The following GCN1 variants were observed in gnomAD, a reference collection of about 807,000 sequenced individuals.
GCN1 encodes the protein GCN1 activator of EIF2AK4.
GCN1 carries 90 observed loss-of-function variants against 288.4 expected under a neutral mutation model. The ratio of observed to expected loss-of-function variants is 0.31; its 90% CI spans 0.26 to 0.37. The LOEUF (loss-of-function observed/expected upper bound fraction) is 0.37, where lower values mean the gene tolerates loss of function less well. Ranked by LOEUF, GCN1 falls within the 10% of genes least tolerant of loss-of-function variation. The probability of loss-of-function intolerance (pLI) is 1.00; values close to 1 mark genes in which losing one functional copy is unlikely to be tolerated. For synonymous variants in GCN1, 1,386 were observed against 1,420.2 expected (o/e 0.98, Z 0.54); for missense variants, 2,586 against 3,419.9 (o/e 0.76, Z 6.08).
Position 120,142,866 on chromosome 12 carries a change from A to C in GCN1, c.5571T>G (p.Thr1857=). ...TTCCAAAGTTATCATCCTCAGAGGC[A>C]GTTTCTGTGGTCATCTTCCCAGTGA... ...SGVTGKMTTE[T]ASEDDNFGTA... The change falls in exon 43 of 58, where the codon ACT becomes ACG. Residue 1857 remains threonine, a synonymous_variant. Coordinates refer to ENST00000300648, the MANE Select transcript of GCN1 (RefSeq NM_006836.2). The surrounding 1 kb of genome is among the most constrained non-coding windows in gnomAD (Gnocchi z 4.9). The C allele has an allele frequency of 6.2e-7, 1 of 1,613,792 alleles. No individual in the cohort carries two copies. Among genetic ancestry groups the C allele is most frequent in the Non-Finnish European group, 8.5e-7 (1 of 1,179,638 alleles).
chr12:120,157,473 C>T (rs1180553922), intron 26 of GCN1, among the ~76,000 whole-genome samples: 1 of 152,144 alleles, frequency 6.6e-6, no homozygotes, highest in African/African-American at 2.4e-5. Flanking sequence ...GGGGCATATA[C>T]ATACAAGAGG....
chr12:120,134,313 A>G lies in GCN1; in HGVS notation c.7295T>C (p.Leu2432Pro). The change falls in exon 53 of 58, where the codon CTG becomes CCG. Residue 2432 changes from leucine (L) to proline (P), a missense_variant. This residue lies in a region of GCN1 where 355 missense variants were observed against 431.1 expected (regional missense o/e 0.82). Transcript: ENST00000300648. The surrounding 1 kb of genome is among the most constrained non-coding windows in gnomAD (Gnocchi z 5.0). ...VIRKNIVSLL[L>P]SMLGHDEDNT... ...TACCTCATCGTGTCCCAGCATGCTCAGCAGGAGTGAGACGATGTTTTTCCG... is the reference window on the plus strand; with the variant it reads ...TACCTCATCGTGTCCCAGCATGCTCGGCAGGAGTGAGACGATGTTTTTCCG... The G allele has an allele frequency of 6.2e-7, 1 of 1,613,630 alleles. No individual in the cohort carries two copies. Among genetic ancestry groups the G allele is most frequent in the South Asian group, 1.1e-5 (1 of 91,068 alleles).
chr12:120,129,037 A>G (rs1306223884), intron 57 of GCN1, among the ~76,000 whole-genome samples: 1 of 151,750 alleles, frequency 6.6e-6, no homozygotes, highest in Non-Finnish European at 1.5e-5. Context: ...ACGGGGTTTC[A>G]CCGTGTTAGC....
chr12:120,138,098 G>A (rs1434391419), intron 47 of GCN1, 54 bp from the exon 48 acceptor site: 3 of 1,526,814 alleles, frequency 2.0e-6, no homozygotes, highest in South Asian at 1.2e-5. Flanking sequence ...TGCTGCGCTA[G>A]GCTCTGGGAA....
intron 33 of GCN1, among the ~76,000 whole-genome samples, chr12:120,151,950 G>A (rs1471442466): frequency 6.6e-6 from 1 of 152,196 alleles, no homozygotes; most frequent in Non-Finnish European, 1.5e-5. Flanking sequence ...TTGCTGCTTA[G>A]GCTTTCTGAC....
intron 5 of GCN1, 37 bp from the exon 6 acceptor site, chr12:120,178,987 C>T (rs765356150): frequency 6.4e-7 from 1 of 1,554,338 alleles, no homozygotes; most frequent in Non-Finnish European, 8.8e-7. Context: ...CAAGGTGGGA[C>T]ATGAGACTGA....
At chr12:120,170,913 C>T (rs1217616207) in intron 14 of GCN1, among the ~76,000 whole-genome samples, 2 of 151,962 alleles carry the variant, frequency 1.3e-5, no homozygotes, top group Non-Finnish European at 2.9e-5. Context: ...GTAATCCCAG[C>T]ACTTTGGCAG....
In GCN1 at chr12:120,178,896, C is replaced by A; in HGVS notation, c.481G>T (p.Ala161Ser). The A allele has an allele frequency of 1.2e-6, 2 of 1,614,074 alleles. No homozygotes were observed. The highest frequency in any genetic ancestry group is 1.7e-6 in the Non-Finnish European group (2 of 1,180,008). Reference sequence around the variant, plus strand: ...AGTTTCTTCACAGCACCATCCACGGCGTGCTTGTGGGAGCCACCCAGCACC... The same window carrying A: ...AGTTTCTTCACAGCACCATCCACGGAGTGCTTGTGGGAGCCACCCAGCACC... The part of the protein sequence containing the change: ...LEVLGGSHKH[A>S]VDGAVKKLTK... The change falls in exon 6 of 58, where the codon GCC (alanine) becomes TCC (serine). Residue 161 changes from alanine (A) to serine (S), a missense_variant. Around this residue, in one of 8 missense-constraint regions of GCN1, gnomAD observed 913 missense variants for 1,107.0 expected, o/e 0.82. Coordinates refer to ENST00000300648, the MANE Select transcript of GCN1 (RefSeq NM_006836.2).
rs760628938 is a variant in GCN1 at position 120,137,782 on chromosome 12, G to C, written c.6426C>G (p.Ser2142=). Residue 2142 remains serine, a synonymous_variant, in exon 49 of 58, where the codon TCC becomes TCG. Transcript: ENST00000300648. The surrounding 1 kb of genome is among the most constrained non-coding windows in gnomAD (Gnocchi z 5.2). Reference sequence around the variant, plus strand: ...TCCGGTGCCCTGTGTCATCCTCTACGGAGAGGATCACAGCCTGACAATTGG... The same window carrying C: ...TCCGGTGCCCTGTGTCATCCTCTACCGAGAGGATCACAGCCTGACAATTGG... The part of the protein sequence containing the change: ...EMANCQAVIL[S]VEDDTGHRII... 1 of 1,614,022 alleles carries C rather than the reference G, an allele frequency of 6.2e-7. No individual in the cohort carries two copies. Among genetic ancestry groups the C allele is most frequent in the African/African-American group, 1.3e-5 (1 of 75,030 alleles).
chr12:120,164,197 G>A, intron 18 of GCN1, 139 bp downstream of exon 18: 4 of 682,938 alleles, frequency 5.9e-6, no homozygotes. Context: ...ACTGGAGCTT[G>A]ACGGCAGAGC....
intron 57 of GCN1, among the ~76,000 whole-genome samples, chr12:120,128,830 C>T (rs1876707042): frequency 6.7e-6 from 1 of 149,870 alleles, no homozygotes; most frequent in Admixed American, 6.6e-5. Context: ...GGGCCAGTCA[C>T]CCAAATCTTT....
At chr12:120,145,182 G>A in intron 39 of GCN1, 80 bp downstream of exon 39, 1 of 1,553,288 alleles carries the variant, frequency 6.4e-7, no homozygotes, top group South Asian at 1.1e-5. Flanking sequence ...CACAAAAGCA[G>A]CTTTGGGGAA....
chr12:120,142,577 C>T lies in GCN1; in HGVS notation c.5759G>A (p.Arg1920His), dbSNP rs778253265. 9 of 1,613,928 alleles carry T rather than the reference C, an allele frequency of 5.6e-6. No homozygotes were observed. The Middle Eastern group carries it at 6.6e-4, about 118-fold the overall frequency. Residue 1920 changes from arginine to histidine, a missense_variant, in exon 44 of 58, where the codon CGT (arginine) becomes CAT (histidine). By Grantham distance (29) the Arg-to-His change is conservative. Transcript: ENST00000300648. The surrounding 1 kb of genome is among the most constrained non-coding windows in gnomAD (Gnocchi z 4.9). ...IVVSNTPRTLREILPTLFGLL... is the reference protein window; with the variant it reads ...IVVSNTPRTLHEILPTLFGLL... The stretch of plus-strand genomic sequence containing the variant: ...CCCAAAGAGAGTGGGTAGGATCTCA[C>T]GCAAGGTGCGGGGGGTATTGGAGAC...
intron 34 of GCN1, 101 bp downstream of exon 34, chr12:120,151,044 A>G: frequency 7.6e-7 from 1 of 1,324,206 alleles, no homozygotes; most frequent in South Asian, 1.3e-5. Flanking sequence ...TACACGCACA[A>G]GCAACGGCCT....
chr12:120,145,417 C>G (rs1877333573), intron 38 of GCN1, 87 bp from the exon 39 acceptor site: 2 of 1,034,856 alleles, frequency 1.9e-6, no homozygotes, highest in Non-Finnish European at 2.7e-6. Context: ...CCTCCCCATT[C>G]TGCTGGCAAG....
At position 120,161,919 on chromosome 12, in the gene GCN1, G is replaced by T; in HGVS notation, c.2303C>A (p.Thr768Asn). The T allele has an allele frequency of 6.2e-7, 1 of 1,614,150 alleles. No homozygotes were observed. Among genetic ancestry groups the T allele is most frequent in the Non-Finnish European group, 8.5e-7 (1 of 1,180,038 alleles). ...VTREEFAIMQ[T>N]PAGELYDKSI... ...TTTGTCATACAGCTCCCCAGCAGGG[G>T]TCTGCATAATGGCAAACTCCTCCCG... is the stretch of plus-strand genomic sequence containing the variant. Residue 768 changes from threonine to asparagine, a missense_variant, in exon 21 of 58, where the codon ACC (threonine) becomes AAC (asparagine). Physicochemically the swap from Thr to Asn is moderately conservative, Grantham distance 65. Around this residue, in one of 8 missense-constraint regions of GCN1, gnomAD observed 913 missense variants for 1,107.0 expected, o/e 0.82. Coordinates refer to ENST00000300648, the MANE Select transcript of GCN1 (RefSeq NM_006836.2).
intron 38 of GCN1, 120 bp from the exon 39 acceptor site, chr12:120,145,450 G>C (rs1877334458): frequency 1.4e-6 from 1 of 689,748 alleles, no homozygotes; most frequent in Admixed American, 3.1e-5. Flanking sequence ...GGGGCACCTA[G>C]CATGCAAACC....
chr12:120,164,306 G>T lies in GCN1; in HGVS notation c.1848+30C>A, dbSNP rs192712498. 267 of 1,589,002 alleles carry T rather than the reference G, an allele frequency of 1.7e-4. 1 individual carries two copies. The African/African-American group carries it at 3.3e-3, about 19-fold the overall frequency. ...CAGGGGCAGCTAAGTGGATCCAAGAGCCCCAGTTCTAGAGCCCAGATGCCC... is the reference window on the plus strand; with the variant it reads ...CAGGGGCAGCTAAGTGGATCCAAGATCCCCAGTTCTAGAGCCCAGATGCCC... On this transcript the variant is annotated intron_variant, in intron 18 of 57. Transcript: ENST00000300648.
At position 120,141,085 on chromosome 12, in the gene GCN1, G is replaced by A. The variant is rs1175375907; in HGVS notation, c.5830-62C>T. 22 of 1,457,062 alleles carry A rather than the reference G, an allele frequency of 1.5e-5. No individual in the cohort carries two copies. In the East Asian group the frequency reaches 5.0e-4, roughly 33 times the overall value. The allele number at this position is 1,457,062 out of a possible 1,614,324, so 90.3% of individuals were successfully genotyped here. ...GCAAAGCCCAGGGCACCCAGAGGAG[G>A]ACTCCAGAATGAGGGCCCTGAAACC... On this transcript the variant is annotated intron_variant, in intron 44 of 57. Coordinates refer to ENST00000300648, the MANE Select transcript of GCN1 (RefSeq NM_006836.2).
Sources: allele counts gnomAD v4.1 joint callset (sites outside exome capture counted in the v4.1 genomes callset), GRCh38; gene constraint gnomAD v4.1.1; regional missense constraint gnomAD v4.1.1; non-coding constraint Gnocchi (gnomAD v3.1); transcripts MANE v1.5; gene names NCBI Gene and HGNC (gene_info 2026-07-23, HGNC 2026-07-21).